The following CPAP variants were observed in gnomAD, a reference collection of about 807,000 sequenced individuals.
CPAP encodes centrosome assembly and centriole elongation protein, also known as centrosomal P4.1-associated protein.
At chr13:24,891,405 T>C in the CPAP span, among the ~76,000 whole-genome samples, 1 of 152,134 alleles carries the variant, frequency 6.6e-6, no homozygotes, top group Admixed American at 6.5e-5. Flanking sequence ...ATCTCCTGTG[T>C]GTCTCGTAGG....
chr13:24,909,702 A>AT, the CPAP span: 2 of 1,283,064 alleles, frequency 1.6e-6, no homozygotes, highest in Non-Finnish European at 2.2e-6. Flanking sequence ...TGAAAAAATA[A>AT]TTTTTAAAGA....
chr13:24,928,956 G>A, the CPAP span, among the ~76,000 whole-genome samples: 1 of 152,184 alleles, frequency 6.6e-6, no homozygotes, highest in South Asian at 2.1e-4. Context: ...TCTTTGATGT[G>A]ATAACTGCAG....
At chr13:24,896,931 A>G in the CPAP span, among the ~76,000 whole-genome samples, 1 of 152,264 alleles carries the variant, frequency 6.6e-6, no homozygotes, top group African/African-American at 2.4e-5. Context: ...TACTGGTTCA[A>G]GTATATGTCT....
the CPAP span, among the ~76,000 whole-genome samples, chr13:24,910,939 C>T: frequency 1.1e-4 from 17 of 152,330 alleles, no homozygotes; most frequent in African/African-American, 3.8e-4. Context: ...CTGACCCCTG[C>T]ACCCAGCCTC....
chr13:24,914,596 C>T, the CPAP span, among the ~76,000 whole-genome samples: 806 of 152,236 alleles, frequency 5.3e-3, 22 homozygotes, highest in East Asian at 0.08. Flanking sequence ...GGAGACAAAA[C>T]ATATATTCTT....
chr13:24,899,780 C>T, the CPAP span, among the ~76,000 whole-genome samples: 3 of 152,074 alleles, frequency 2.0e-5, no homozygotes, highest in Admixed American at 6.5e-5. Context: ...ATCAGGCATT[C>T]GACGAAGTAG....
chr13:24,883,352 A>C, the CPAP span: 1 of 1,608,456 alleles, frequency 6.2e-7, no homozygotes, highest in East Asian at 2.2e-5. Flanking sequence ...ATTAAACTCT[A>C]TGAGTTTGTT....
the CPAP span, chr13:24,892,860 T>A: frequency 3.8e-5 from 61 of 1,601,846 alleles, no homozygotes; most frequent in Admixed American, 6.8e-5. Context: ...TATTTGCTGT[T>A]TTAAAGTCTC....
chr13:24,893,489 C>T, the CPAP span, among the ~76,000 whole-genome samples: 13 of 152,370 alleles, frequency 8.5e-5, no homozygotes, highest in Non-Finnish European at 1.2e-4. Context: ...AGGTGCGGCC[C>T]GGCCCATGCC....
At chr13:24,903,333 A>G in the CPAP span, among the ~76,000 whole-genome samples, 1 of 152,224 alleles carries the variant, frequency 6.6e-6, no homozygotes, top group East Asian at 1.9e-4. Flanking sequence ...GTGGGCCCTT[A>G]AACCAATATG....
At chr13:24,883,063 A>T in the CPAP span, 1 of 950,594 alleles carries the variant, frequency 1.1e-6, no homozygotes, top group Non-Finnish European at 1.7e-6. Context: ...CTTTTATTTT[A>T]GAATCTAATC....
the CPAP span, chr13:24,906,068 T>G: frequency 1.2e-6 from 2 of 1,613,582 alleles, no homozygotes; most frequent in Non-Finnish European, 1.7e-6. Flanking sequence ...TGAATGAAGT[T>G]GTTTGGGTGC....
At chr13:24,895,579 AG>A in the CPAP span, among the ~76,000 whole-genome samples, 4 of 152,086 alleles carry the variant, frequency 2.6e-5, no homozygotes, top group African/African-American at 9.7e-5. Flanking sequence ...AGAAAAGAAA[AG>A]AAAAAAAGGA....
the CPAP span, among the ~76,000 whole-genome samples, chr13:24,886,660 G>A: frequency 2.5e-3 from 379 of 152,296 alleles, 1 homozygote; most frequent in African/African-American, 8.6e-3. Flanking sequence ...ACACAAGAAT[G>A]TCATGCTTCA....
chr13:24,885,227 C>T, the CPAP span: 2 of 1,237,660 alleles, frequency 1.6e-6, no homozygotes, highest in Non-Finnish European at 2.4e-6. Context: ...ACTATTTTAA[C>T]CCATGTTTAT....
At chr13:24,910,233 A>G in the CPAP span, 1 of 809,202 alleles carries the variant, frequency 1.2e-6, no homozygotes. Flanking sequence ...TAACAAAACC[A>G]TTGATTGTTT....
chr13:24,933,993 C>T, the CPAP span, among the ~76,000 whole-genome samples: 3 of 152,080 alleles, frequency 2.0e-5, no homozygotes, highest in South Asian at 6.2e-4. Flanking sequence ...CCCAAAGGGC[C>T]GGGAATACAG....
chr13:24,892,670 G>C, the CPAP span: 41 of 1,613,812 alleles, frequency 2.5e-5, no homozygotes, highest in Admixed American at 6.2e-4. Flanking sequence ...TCTCCACCTC[G>C]AGGCTGCTCT....
the CPAP span, among the ~76,000 whole-genome samples, chr13:24,925,108 T>C: frequency 1.3e-5 from 2 of 152,214 alleles, no homozygotes; most frequent in Non-Finnish European, 2.9e-5. Flanking sequence ...ATAATACTTA[T>C]TGTATTCCCA....
Sources: allele counts gnomAD v4.1 joint callset (sites outside exome capture counted in the v4.1 genomes callset), GRCh38; gene constraint gnomAD v4.1.1; transcripts MANE v1.5; gene names NCBI Gene and HGNC (gene_info 2026-07-23, HGNC 2026-07-21).